The following SRFBP1 variants were observed in gnomAD, a reference collection of about 807,000 sequenced individuals.
The protein encoded by SRFBP1 is serum response factor-binding protein 1.
SRFBP1 carries 47 observed loss-of-function variants against 45.5 expected under a neutral mutation model. The ratio of observed to expected loss-of-function variants is 1.03; its 90% CI spans 0.82 to 1.32. SRFBP1 has a LOEUF of 1.32. SRFBP1 is among the 40% of genes most tolerant of loss of function. The pLI is 0.00. For missense variants in SRFBP1, 621 were observed against 484.6 expected (o/e 1.28, Z -2.64); for synonymous variants, 203 against 166.3 (o/e 1.22, Z -1.70).
rs1561597607 is a variant in SRFBP1, at chr5:122,027,161, A to T, written c.*35A>T. 1 of 1,557,860 alleles carries T rather than the reference A, an allele frequency of 6.4e-7. No homozygotes were observed. The highest frequency in any genetic ancestry group is 2.3e-5 in the East Asian group (1 of 44,194). On this transcript the variant is annotated 3_prime_UTR_variant, in exon 8 of 8. Transcript: ENST00000339397. Reference sequence around the variant, plus strand: ...CTTTCTGCAAACTTTTCCATCTAAAAAAAAAAATGTTTTTTTTAAGACAGG... The same window carrying T: ...CTTTCTGCAAACTTTTCCATCTAAATAAAAAAATGTTTTTTTTAAGACAGG...
At chr5:121,987,619 G>A (rs1036091826) in intron 3 of SRFBP1, among the ~76,000 whole-genome samples, 1 of 152,080 alleles carries the variant, frequency 6.6e-6, no homozygotes, top group African/African-American at 2.4e-5. Flanking sequence ...TTAGAACCCA[G>A]ACATTTCTTG....
At chr5:122,054,457 G>T (rs1352041552) in intron 2 of SRFBP1, among the ~76,000 whole-genome samples, 1 of 152,214 alleles carries the variant, frequency 6.6e-6, no homozygotes, top group Admixed American at 6.5e-5. Context: ...TCAGTCTGCA[G>T]GGTCCGTGTT....
rs1407886291 is a variant in SRFBP1 at position 122,027,727 on chromosome 5, A to G, written c.*601A>G. ...GCAAACTAAAATAGTAACTTTTATTATGGATGTACAGATAAATATTAATTT... is the reference window on the plus strand; with the variant it reads ...GCAAACTAAAATAGTAACTTTTATTGTGGATGTACAGATAAATATTAATTT... On this transcript the variant is annotated 3_prime_UTR_variant, in exon 8 of 8. Coordinates refer to ENST00000339397, the MANE Select transcript of SRFBP1 (RefSeq NM_152546.3). The G allele has an allele frequency of 2.6e-5, 4 of 152,180 alleles. No individual in the cohort carries two copies. The highest frequency in any genetic ancestry group is 9.7e-5 in the African/African-American group (4 of 41,450). 9.4% of individuals were successfully genotyped at this position (152,180 alleles called of 1,614,324 possible). A position where few individuals can be genotyped will look rare whatever the true frequency, so the allele number is the denominator to read the frequency against.
intron 3 of SRFBP1, among the ~76,000 whole-genome samples, chr5:121,976,312 C>G (rs566049526): frequency 1.3e-5 from 2 of 151,822 alleles, no homozygotes; most frequent in African/African-American, 4.8e-5. Context: ...CTGCTGCACA[C>G]TATTATAAAA....
Position 122,023,905 on chromosome 5 carries a change from T to C in SRFBP1, c.1105+1498T>C, listed in dbSNP as rs890463420. 8.4e-4 allele frequency among the ~76,000 whole-genome samples: 128 copies of C among 152,310 alleles called. 1 individual carries two copies. The highest frequency in any genetic ancestry group is 2.9e-3 in the African/African-American group (121 of 41,568). ...AGTTCTCAAACTTGTCTTATTTGTT[T>C]GTGTTTTGTTTTATTTTTCCCACTT... is the stretch of plus-strand genomic sequence containing the variant. On this transcript the variant is annotated intron_variant, in intron 7 of 7. Transcript: ENST00000339397.
In SRFBP1 at chr5:122,025,091, C is replaced by G. The variant is rs185831808; in HGVS notation, c.1106-1851C>G. On this transcript the variant is annotated intron_variant, in intron 7 of 7. Transcript: ENST00000339397. ...TCGTCATTTACCATTAGGTATATCT[C>G]CTAATGCTATCCCTCCCCACTCCCC... Among the ~76,000 whole-genome samples the G allele has an allele frequency of 3.2e-3, 484 of 152,214 alleles. 3 individuals carry two copies. Among genetic ancestry groups the G allele is most frequent in the Admixed American group, 0.012 (178 of 15,294 alleles).
rs144492995 is a variant in SRFBP1, at chr5:121,992,796, G to A, written c.199-1803G>A. 3.7e-3 allele frequency among the ~76,000 whole-genome samples: 568 copies of A among 152,032 alleles called. 5 individuals carry two copies. The highest frequency in any genetic ancestry group is 0.012 in the African/African-American group (515 of 41,480). On this transcript the variant is annotated intron_variant, in intron 3 of 7. Coordinates refer to ENST00000339397, the MANE Select transcript of SRFBP1 (RefSeq NM_152546.3). ...TTATATTCCTAAATTATTCCCTTTA[G>A]TTTTTATTACATGGATTTTTTAATG...
intron 4 of SRFBP1, among the ~76,000 whole-genome samples, chr5:122,013,589 A>G (rs1349451984): frequency 1.3e-5 from 2 of 152,182 alleles, no homozygotes; most frequent in Non-Finnish European, 2.9e-5. Flanking sequence ...CTTATGATGA[A>G]CAAAACAGCA....
At chr5:121,978,195 T>G (rs1193306345) in intron 3 of SRFBP1, among the ~76,000 whole-genome samples, 2 of 152,194 alleles carry the variant, frequency 1.3e-5, no homozygotes, top group Admixed American at 1.3e-4. Flanking sequence ...ATTTACTGTC[T>G]CACTAGGTAG....
At chr5:122,030,822 C>T (rs1048836668), downstream of SRFBP1, among the ~76,000 whole-genome samples, 18 of 152,012 alleles carry the variant, frequency 1.2e-4, no homozygotes, top group African/African-American at 3.9e-4. Flanking sequence ...GAGATTTCAA[C>T]GACCATACAC....
chr5:122,041,582 A>T lies in SRFBP1; in HGVS notation n.311+19175A>T, dbSNP rs539174926. Among the ~76,000 whole-genome samples the T allele has an allele frequency of 3.3e-5, 5 of 152,104 alleles. No homozygotes were observed. The South Asian group carries it at 1.0e-3, about 32-fold the overall frequency. ...CAGAATATTTCATTTTATTCATGTT[A>T]TAAATGTGATCTGATCTTTTACATT... On this transcript the variant is annotated intron_variant and non_coding_transcript_variant, in intron 2 of 2. Coordinates refer to the SRFBP1 transcript ENST00000504881.
rs554081521 is a variant in SRFBP1 at position 121,975,296 on chromosome 5, C to T, written c.126-19C>T. 8.1e-6 allele frequency: 13 copies of T among 1,610,358 alleles called. No homozygotes were observed. The East Asian group carries it at 8.9e-5, about 11-fold the overall frequency. The stretch of plus-strand genomic sequence containing the variant: ...ATTAATGCTTTGCCTGGCTACATAT[C>T]GTAATGTATTTTTTGCAGGGGTACT... On this transcript the variant is annotated intron_variant, in intron 2 of 7. Transcript: ENST00000339397.
At chr5:122,069,049 T>C (rs186344004) in intron 2 of SRFBP1, among the ~76,000 whole-genome samples, 15 of 152,272 alleles carry the variant, frequency 9.9e-5, no homozygotes, top group Non-Finnish European at 1.8e-4. Flanking sequence ...CTCTGTTTTT[T>C]CAGTGCTATC....
chr5:122,041,663 T>C (rs1561405998), intron 2 of SRFBP1, among the ~76,000 whole-genome samples: 1 of 152,062 alleles, frequency 6.6e-6, no homozygotes, highest in Non-Finnish European at 1.5e-5. Context: ...TACTGATAAT[T>C]TTCTCAGCCA....
intron 2 of SRFBP1, among the ~76,000 whole-genome samples, chr5:122,059,444 T>C (rs1357337159): frequency 6.6e-6 from 1 of 152,080 alleles, no homozygotes; most frequent in African/African-American, 2.4e-5. Context: ...ACAGATATTC[T>C]TGGACTCAGG....
intron 2 of SRFBP1, among the ~76,000 whole-genome samples, chr5:122,042,482 G>A (rs1308452288): frequency 2.0e-5 from 3 of 152,096 alleles, no homozygotes; most frequent in Admixed American, 2.0e-4. Flanking sequence ...TGAACCCTGA[G>A]CTCAACTGAT....
At chr5:122,022,537 A>G (rs1753383079) in intron 7 of SRFBP1, 130 bp downstream of exon 7, 1 of 664,538 alleles carries the variant, frequency 1.5e-6, no homozygotes, top group Non-Finnish European at 2.3e-6. Context: ...TTAACAGAGC[A>G]TCTTACAATT....
intron 3 of SRFBP1, 27 bp downstream of exon 3, chr5:121,975,414 G>A (rs761016955): frequency 5.0e-6 from 8 of 1,611,552 alleles, no homozygotes; most frequent in African/African-American, 4.0e-5. Context: ...GTGTGTATGT[G>A]TGTATGTTTC....
At position 122,070,368 on chromosome 5, in the gene SRFBP1, T is replaced by G; in HGVS notation, n.312-4947T>G. The G allele has an allele frequency of 4.6e-6, 3 of 649,422 alleles. No homozygotes were observed. The South Asian group carries it at 5.9e-5, about 13-fold the overall frequency. 40.2% of individuals were successfully genotyped at this position (649,422 alleles called of 1,614,324 possible). A position where few individuals can be genotyped will look rare whatever the true frequency, so the allele number is the denominator to read the frequency against. ...ATAAGACAGATTAGATTAGATTAGA[T>G]TGTTTATAAATAGTTTGAGGATGTA... On this transcript the variant is annotated intron_variant and non_coding_transcript_variant, in intron 2 of 2. Coordinates refer to the SRFBP1 transcript ENST00000504881.
Sources: gnomAD v4.1 joint callset for allele counts (sites outside exome capture counted in the v4.1 genomes callset) on GRCh38, gnomAD v4.1.1 for gene constraint, MANE v1.5 for transcripts, NCBI Gene and HGNC (gene_info 2026-07-23, HGNC 2026-07-21) for gene names.